Variants in MNAT1 observed in about 807,000 individuals in gnomAD.
MNAT1 encodes the protein CDK-activating kinase assembly factor MAT1.
A neutral mutation model predicts 42.0 loss-of-function variants in MNAT1; 43 were observed. That is an observed-to-expected ratio of 1.02 (90% CI 0.80 to 1.32). The LOEUF is 1.32. Among genes scored for constraint, MNAT1 ranks in the 40% most tolerant of loss-of-function variants. The pLI is 0.00. For synonymous variants in MNAT1, 118 were observed against 120.0 expected (o/e 0.98, Z 0.11); for missense variants, 306 against 350.4 (o/e 0.87, Z 1.01).
At chr14:60,820,067 A>G (rs578207357) in intron 6 of MNAT1, among the ~76,000 whole-genome samples, 4 of 152,100 alleles carry the variant, frequency 2.6e-5, no homozygotes, top group Non-Finnish European at 4.4e-5. Context: ...AGGTTGCAGA[A>G]TCTTTGTTTG....
chr14:60,950,878 G>A (rs1263964865), intron 7 of MNAT1, among the ~76,000 whole-genome samples: 1 of 152,048 alleles, frequency 6.6e-6, no homozygotes, highest in Non-Finnish European at 1.5e-5. Context: ...TAAAAATTCT[G>A]TATTTTCTGA....
intron 3 of MNAT1, among the ~76,000 whole-genome samples, chr14:60,805,923 G>C (rs566573612): frequency 6.6e-6 from 1 of 152,270 alleles, no homozygotes; most frequent in African/African-American, 2.4e-5. Context: ...TTATATGATA[G>C]AGTATGTTTA....
At chr14:60,894,477 C>T (rs2034910717) in intron 7 of MNAT1, among the ~76,000 whole-genome samples, 4 of 151,796 alleles carry the variant, frequency 2.6e-5, no homozygotes. Context: ...TCTATTTTTT[C>T]CCAGTAAGTT....
rs1298046184 is a variant in MNAT1, at chr14:60,794,445, G to A, written c.90-1772G>A. Reference sequence around the variant, plus strand: ...CTTGGGAGGTCAAGGCAGGAGGATCGCTTGAGCCCAGGAGTTCGAGACCAG... The same window carrying A: ...CTTGGGAGGTCAAGGCAGGAGGATCACTTGAGCCCAGGAGTTCGAGACCAG... On this transcript the variant is annotated intron_variant, in intron 1 of 7. Coordinates refer to ENST00000261245, the MANE Select transcript of MNAT1 (RefSeq NM_002431.4). Among the ~76,000 whole-genome samples the A allele has an allele frequency of 5.9e-5, 9 of 151,460 alleles. No homozygotes were observed. In the East Asian group the frequency reaches 1.2e-3, roughly 20 times the overall value.
intron 7 of MNAT1, among the ~76,000 whole-genome samples, chr14:60,928,877 C>T (rs577350209): frequency 1.3e-5 from 2 of 151,596 alleles, no homozygotes; most frequent in African/African-American, 2.4e-5. Context: ...CACAGTGGCT[C>T]ATGCCTGTAA....
intron 1 of MNAT1, among the ~76,000 whole-genome samples, chr14:60,790,483 ACTT>A (rs2031783408): frequency 6.6e-6 from 1 of 152,172 alleles, no homozygotes; most frequent in African/African-American, 2.4e-5. Flanking sequence ...TCTCTCATCT[ACTT>A]CTAACCTGGA....
chr14:60,738,099 A>T (rs1223338576), intron 1 of MNAT1, among the ~76,000 whole-genome samples: 1 of 144,134 alleles, frequency 6.9e-6, no homozygotes, highest in Non-Finnish European at 1.5e-5. Context: ...AAAAAAAAAG[A>T]TCTTGTCAAT....
At chr14:60,858,596 C>T (rs1322172562) in intron 6 of MNAT1, among the ~76,000 whole-genome samples, 1 of 152,078 alleles carries the variant, frequency 6.6e-6, no homozygotes, top group East Asian at 1.9e-4. Context: ...GCGTTAAATG[C>T]TTTCAAACAG....
intron 7 of MNAT1, among the ~76,000 whole-genome samples, chr14:60,942,713 C>T (rs2139592216): frequency 6.6e-6 from 1 of 151,872 alleles, no homozygotes; most frequent in South Asian, 2.1e-4. Flanking sequence ...TACAAGTTTG[C>T]AATATAAGAA....
At chr14:60,843,067 T>G (rs535515415) in intron 6 of MNAT1, among the ~76,000 whole-genome samples, 331 of 152,324 alleles carry the variant, frequency 2.2e-3, no homozygotes, top group African/African-American at 7.6e-3. Context: ...CCTGAGCTGT[T>G]TATAGTTTTT....
intron 7 of MNAT1, among the ~76,000 whole-genome samples, chr14:60,908,880 T>A (rs2035278241): frequency 6.6e-6 from 1 of 152,222 alleles, no homozygotes; most frequent in African/African-American, 2.4e-5. Context: ...TAGTTCTAGA[T>A]CCCTGAGGAA....
chr14:60,930,192 A>G (rs528330618), intron 7 of MNAT1, among the ~76,000 whole-genome samples: 103 of 140,358 alleles, frequency 7.3e-4, no homozygotes, highest in Non-Finnish European at 9.0e-4. Flanking sequence ...ATTACTAAAG[A>G]TTCTTCTTCC....
At chr14:60,762,758 T>G (rs1284753164) in intron 1 of MNAT1, among the ~76,000 whole-genome samples, 1 of 151,424 alleles carries the variant, frequency 6.6e-6, no homozygotes, top group Non-Finnish European at 1.5e-5. Flanking sequence ...ATGATATTCT[T>G]TTTTTTTCCT....
chr14:60,827,488 C>A (rs1053950929), intron 6 of MNAT1, among the ~76,000 whole-genome samples: 1 of 152,074 alleles, frequency 6.6e-6, no homozygotes, highest in African/African-American at 2.4e-5. Context: ...AATTAATACC[C>A]GTTCGTATCT....
chr14:60,927,691 G>A (rs980045915), intron 7 of MNAT1, among the ~76,000 whole-genome samples: 1 of 152,130 alleles, frequency 6.6e-6, no homozygotes, highest in South Asian at 2.1e-4. Flanking sequence ...CTTGAGACAT[G>A]TTTTCGACCA....
At chr14:60,926,771 G>T (rs2035776440) in intron 7 of MNAT1, among the ~76,000 whole-genome samples, 1 of 152,074 alleles carries the variant, frequency 6.6e-6, no homozygotes, top group South Asian at 2.1e-4. Flanking sequence ...TTGGCCATTG[G>T]TGATTAACTC....
intron 6 of MNAT1, among the ~76,000 whole-genome samples, chr14:60,841,635 T>C (rs1313554007): frequency 2.0e-5 from 3 of 146,470 alleles, no homozygotes; most frequent in Non-Finnish European, 1.5e-5. Flanking sequence ...TATTGACTGA[T>C]TTTTTTTTCC....
At chr14:60,744,622 T>C (rs1283159349) in intron 1 of MNAT1, among the ~76,000 whole-genome samples, 3 of 152,260 alleles carry the variant, frequency 2.0e-5, no homozygotes, top group Non-Finnish European at 4.4e-5. Context: ...CAGATAACTT[T>C]GAACTTGTGT....
intron 6 of MNAT1, among the ~76,000 whole-genome samples, chr14:60,837,638 A>G (rs2033430445): frequency 6.6e-6 from 1 of 152,184 alleles, no homozygotes; most frequent in Admixed American, 6.5e-5. Flanking sequence ...TCTTGCTGCA[A>G]GCTGCAGACA....
Sources: gnomAD v4.1 joint callset for allele counts (sites outside exome capture counted in the v4.1 genomes callset) on GRCh38, gnomAD v4.1.1 for gene constraint, MANE v1.5 for transcripts, NCBI Gene and HGNC (gene_info 2026-07-23, HGNC 2026-07-21) for gene names.